The following FBXL7 variants were observed in gnomAD, a reference collection of about 807,000 sequenced individuals.
The protein encoded by FBXL7 is F-box/LRR-repeat protein 7.
FBXL7 carries 12 observed loss-of-function variants against 38.3 expected under a neutral mutation model. The ratio of observed to expected loss-of-function variants is 0.31; its 90% CI spans 0.20 to 0.51. FBXL7 has a LOEUF of 0.51. Among genes scored for constraint, FBXL7 ranks in the 20% least tolerant of loss-of-function variants. The pLI is 0.98. For missense variants in FBXL7, 567 were observed against 676.4 expected (o/e 0.84, Z 1.79); for synonymous variants, 297 against 300.9 (o/e 0.99, Z 0.13).
At position 15,917,688 on chromosome 5, in the gene FBXL7, AG is replaced by A. The variant is rs1263676090; in HGVS notation, c.128-10200del. Among the ~76,000 whole-genome samples the A allele has an allele frequency of 5.3e-4, 80 of 150,472 alleles. 1 individual carries two copies. The highest frequency in any genetic ancestry group is 1.5e-3 in the African/African-American group (60 of 40,706). On this transcript the variant is annotated intron_variant, in intron 2 of 3. Coordinates refer to ENST00000504595, the MANE Select transcript of FBXL7 (RefSeq NM_012304.5). Reference sequence around the variant, plus strand: ...AAGGAAGGAAGGAAGGAAGGAAGGAAGGAAGGAAGAAAGAAAGGAAGGAAGG... The same window carrying A: ...AAGGAAGGAAGGAAGGAAGGAAGGAAGAAGGAAGAAAGAAAGGAAGGAAGG...
At position 15,642,756 on chromosome 5, in the gene FBXL7, A is replaced by G. The variant is rs187359543; in HGVS notation, c.127+26684A>G. ...AGCAGGGTAGGTGGGAAGAGGGGAG[A>G]AGGAATCCATATTAGAGCCTTCATC... On this transcript the variant is annotated intron_variant, in intron 2 of 3. Transcript: ENST00000504595. 4.7e-4 allele frequency among the ~76,000 whole-genome samples: 71 copies of G among 152,284 alleles called. 1 individual carries two copies. Among genetic ancestry groups the G allele is most frequent in the African/African-American group, 1.6e-3 (68 of 41,552 alleles).
intron 2 of FBXL7, among the ~76,000 whole-genome samples, chr5:15,672,158 A>T (rs186368739): frequency 1.3e-5 from 2 of 152,190 alleles, no homozygotes; most frequent in Non-Finnish European, 2.9e-5. Flanking sequence ...AGAAAAAGCC[A>T]TGGCACTTAC....
At chr5:15,772,082 C>T (rs1736744947) in intron 2 of FBXL7, among the ~76,000 whole-genome samples, 1 of 152,012 alleles carries the variant, frequency 6.6e-6, no homozygotes, top group Non-Finnish European at 1.5e-5. Context: ...GATTAACTGA[C>T]TTTTAATAAA....
At chr5:15,637,796 T>C (rs1741232654) in intron 2 of FBXL7, among the ~76,000 whole-genome samples, 1 of 152,226 alleles carries the variant, frequency 6.6e-6, no homozygotes, top group Admixed American at 6.5e-5. Context: ...TGGACTCCAT[T>C]CTTCATAGTA....
rs368606195 is a variant in FBXL7, at chr5:15,849,850, C to T, written c.128-78040C>T. On this transcript the variant is annotated intron_variant, in intron 2 of 3. Coordinates refer to ENST00000504595, the MANE Select transcript of FBXL7 (RefSeq NM_012304.5). ...CATTAAAATCTTTTAGCTTCTGCCTCGTCTGTTTTTAGAGCTTGATAATTA... is the reference window on the plus strand; with the variant it reads ...CATTAAAATCTTTTAGCTTCTGCCTTGTCTGTTTTTAGAGCTTGATAATTA... Among the ~76,000 whole-genome samples, 25 of 152,274 alleles carry T rather than the reference C, an allele frequency of 1.6e-4. No homozygotes were observed. The South Asian group carries it at 5.2e-3, about 32-fold the overall frequency.
chr5:15,781,623 G>A (rs1389035260), intron 2 of FBXL7, among the ~76,000 whole-genome samples: 1 of 152,020 alleles, frequency 6.6e-6, no homozygotes, highest in Non-Finnish European at 1.5e-5. Flanking sequence ...GCTGCCTCTG[G>A]GGAGAAAAGG....
intron 2 of FBXL7, among the ~76,000 whole-genome samples, chr5:15,794,887 T>C (rs1041335832): frequency 3.9e-5 from 6 of 152,198 alleles, no homozygotes; most frequent in Non-Finnish European, 1.5e-5. Flanking sequence ...AGAAATTTGG[T>C]TTCAATACAG....
At chr5:15,512,779 A>T (rs1296668724) in intron 1 of FBXL7, among the ~76,000 whole-genome samples, 1 of 152,170 alleles carries the variant, frequency 6.6e-6, no homozygotes, top group African/African-American at 2.4e-5. Flanking sequence ...AATGATTAGT[A>T]TTGAGTAGAA....
At chr5:15,836,293 T>C (rs1348525169) in intron 2 of FBXL7, among the ~76,000 whole-genome samples, 1 of 152,196 alleles carries the variant, frequency 6.6e-6, no homozygotes, top group Non-Finnish European at 1.5e-5. Context: ...ATTTCTGCTT[T>C]TCTGGGCTCT....
chr5:15,721,781 T>C (rs1306077403), intron 2 of FBXL7, among the ~76,000 whole-genome samples: 1 of 152,150 alleles, frequency 6.6e-6, no homozygotes, highest in Non-Finnish European at 1.5e-5. Context: ...AGTCTTGCTA[T>C]GATATTTTCC....
intron 2 of FBXL7, among the ~76,000 whole-genome samples, chr5:15,800,806 C>T (rs192634031): frequency 2.0e-5 from 3 of 152,236 alleles, no homozygotes; most frequent in Non-Finnish European, 2.9e-5. Context: ...CTAGTTACCT[C>T]GGAAGTTCCT....
chr5:15,822,408 A>G (rs963186614), intron 2 of FBXL7, among the ~76,000 whole-genome samples: 2 of 152,086 alleles, frequency 1.3e-5, no homozygotes, highest in Non-Finnish European at 2.9e-5. Flanking sequence ...TGGAGTGTGC[A>G]GACTCAGGCA....
chr5:15,607,337 T>C (rs893177409), intron 1 of FBXL7: 3 of 152,284 alleles, frequency 2.0e-5, no homozygotes, highest in Admixed American at 2.0e-4. Flanking sequence ...ACCAGTGCAG[T>C]GCGTATGATC....
intron 2 of FBXL7, among the ~76,000 whole-genome samples, chr5:15,805,639 A>C (rs1737690590): frequency 6.6e-6 from 1 of 152,122 alleles, no homozygotes; most frequent in African/African-American, 2.4e-5. Context: ...CAGGGACCCA[A>C]AGGCCTTATT....
At chr5:15,876,730 A>G (rs1387747029) in intron 2 of FBXL7, among the ~76,000 whole-genome samples, 4 of 152,196 alleles carry the variant, frequency 2.6e-5, no homozygotes, top group Non-Finnish European at 5.9e-5. Context: ...TCTAAGTTCC[A>G]CTTATGGGAG....
intron 2 of FBXL7, among the ~76,000 whole-genome samples, chr5:15,669,341 G>A (rs529994826): frequency 1.2e-4 from 18 of 152,244 alleles, no homozygotes; most frequent in African/African-American, 3.4e-4. Context: ...AAGAAAATGC[G>A]CTTCTCAGAC....
chr5:15,795,568 A>G (rs373444716), intron 2 of FBXL7, among the ~76,000 whole-genome samples: 4 of 152,174 alleles, frequency 2.6e-5, no homozygotes, highest in East Asian at 3.9e-4. Context: ...GTCTTATAGC[A>G]TGACTAATTG....
At chr5:15,638,998 C>T (rs776546262) in intron 2 of FBXL7, among the ~76,000 whole-genome samples, 33 of 152,102 alleles carry the variant, frequency 2.2e-4, no homozygotes, top group Non-Finnish European at 3.8e-4. Context: ...TTTTCCTGGT[C>T]GAATTAGAAA....
At chr5:15,898,619 A>G (rs919067519) in intron 2 of FBXL7, among the ~76,000 whole-genome samples, 7 of 152,208 alleles carry the variant, frequency 4.6e-5, no homozygotes, top group African/African-American at 1.7e-4. Flanking sequence ...TTTATGGTAA[A>G]ATTTAGATTT....
Sources: allele counts gnomAD v4.1 joint callset (sites outside exome capture counted in the v4.1 genomes callset), GRCh38; gene constraint gnomAD v4.1.1; transcripts MANE v1.5; gene names NCBI Gene and HGNC (gene_info 2026-07-23, HGNC 2026-07-21).